Variants in ROBO1 observed in about 807,000 individuals in gnomAD.
ROBO1 encodes roundabout guidance receptor 1.
In ROBO1, 149 loss-of-function variants were observed where a neutral mutation model predicts 195.9. The observed-to-expected ratio is 0.76, with a 90% CI of 0.67 to 0.87. ROBO1 has a LOEUF of 0.87. ROBO1 is among the 40% of genes least tolerant of loss of function. The pLI, the probability that ROBO1 is intolerant of heterozygous loss-of-function variation, is 0.00. For synonymous variants in ROBO1, 816 were observed against 733.2 expected, an observed-to-expected ratio of 1.11 and a Z score of -1.82; for missense variants, 1,933 against 2,068.3, an observed-to-expected ratio of 0.93 and a Z score of 1.27.
At chr3:78,682,984 C>A (rs539935683) in intron 10 of ROBO1, among the ~76,000 whole-genome samples, 38 of 151,888 alleles carry the variant, frequency 2.5e-4, no homozygotes, top group Non-Finnish European at 4.0e-4. Context: ...CATTTTATTT[C>A]TTTTACTTGT....
chr3:78,997,044 A>G (rs2077384397), intron 3 of ROBO1, among the ~76,000 whole-genome samples: 1 of 152,122 alleles, frequency 6.6e-6, no homozygotes, highest in Non-Finnish European at 1.5e-5. Flanking sequence ...GGGGGATGCT[A>G]TCTACTGGTA....
At chr3:79,291,517 C>T (rs1421016911) in intron 2 of ROBO1, among the ~76,000 whole-genome samples, 1 of 152,156 alleles carries the variant, frequency 6.6e-6, no homozygotes, top group Non-Finnish European at 1.5e-5. Flanking sequence ...TTCTTCAACA[C>T]AGTGTTATAA....
intron 4 of ROBO1, among the ~76,000 whole-genome samples, chr3:78,891,713 AAAC>A (rs1295852137): frequency 6.6e-6 from 1 of 152,242 alleles, no homozygotes; most frequent in Non-Finnish European, 1.5e-5. Flanking sequence ...AAGAATGAAT[AAAC>A]AAATTGTGAT....
chr3:79,613,643 C>A (rs1184504992), intron 1 of ROBO1, among the ~76,000 whole-genome samples: 2 of 152,030 alleles, frequency 1.3e-5, no homozygotes, highest in African/African-American at 4.8e-5. Context: ...ATTATAAGAT[C>A]TCTAAAAGAA....
chr3:78,837,370 G>A (rs1036916385), intron 4 of ROBO1, among the ~76,000 whole-genome samples: 1 of 152,032 alleles, frequency 6.6e-6, no homozygotes, highest in South Asian at 2.1e-4. Context: ...AAACAATGGG[G>A]ACTTTTGTTT....
intron 1 of ROBO1, among the ~76,000 whole-genome samples, chr3:79,765,024 T>C (rs555010519): frequency 1.3e-4 from 20 of 152,242 alleles, no homozygotes; most frequent in Non-Finnish European, 2.5e-4. Context: ...ATGGTAACAC[T>C]GGTTCAAGGA....
At chr3:79,304,189 A>C (rs2033116661) in intron 2 of ROBO1, among the ~76,000 whole-genome samples, 1 of 152,210 alleles carries the variant, frequency 6.6e-6, no homozygotes, top group Non-Finnish European at 1.5e-5. Flanking sequence ...GTTTTGGTGT[A>C]ATTTTATTCT....
intron 2 of ROBO1, among the ~76,000 whole-genome samples, chr3:79,126,659 A>T (rs962813914): frequency 6.6e-6 from 1 of 152,194 alleles, no homozygotes; most frequent in Non-Finnish European, 1.5e-5. Context: ...CACCTTTAAC[A>T]TTATCTACAG....
At chr3:79,334,168 G>A (rs1237577718) in intron 2 of ROBO1, among the ~76,000 whole-genome samples, 2 of 151,526 alleles carry the variant, frequency 1.3e-5, no homozygotes, top group African/African-American at 4.9e-5. Context: ...AGCCGGGCGT[G>A]GTGGTGCACC....
At chr3:78,740,413 T>C (rs1402542206) in intron 5 of ROBO1, among the ~76,000 whole-genome samples, 1 of 151,218 alleles carries the variant, frequency 6.6e-6, no homozygotes, top group Non-Finnish European at 1.5e-5. Flanking sequence ...TTTAAAATTT[T>C]TCAGATTAAA....
chr3:78,607,489 A>G (rs1301898428), intron 28 of ROBO1, among the ~76,000 whole-genome samples: 1 of 152,122 alleles, frequency 6.6e-6, no homozygotes, highest in East Asian at 1.9e-4. Context: ...CTAGAACTAC[A>G]GGTGTGAGCC....
rs1408253326 is a variant in ROBO1 at position 79,602,948 on chromosome 3, C to T, written c.-50-12987G>A. ...GATCTTGGCTCAACTCTTTTAATAG[C>T]GATATTAGCCATAAATACATAACTA... On this transcript the variant is annotated intron_variant, in intron 1 of 30. Coordinates refer to ENST00000464233, the MANE Select transcript of ROBO1 (RefSeq NM_002941.4). 4.6e-5 allele frequency among the ~76,000 whole-genome samples: 7 copies of T among 152,008 alleles called. No homozygotes were observed. In the East Asian group the frequency reaches 7.8e-4, roughly 17 times the overall value.
At position 79,244,523 on chromosome 3, in the gene ROBO1, A is replaced by C. The variant is rs1390420508; in HGVS notation, c.89-118984T>G. On this transcript the variant is annotated intron_variant, in intron 2 of 30. Coordinates refer to ENST00000464233, the MANE Select transcript of ROBO1 (RefSeq NM_002941.4). ...ATTGCAAAATTCTCCAGTTGTCTCTAAAGTTATTGTGCTTTGCTTTTGTGA... is the reference window on the plus strand; with the variant it reads ...ATTGCAAAATTCTCCAGTTGTCTCTCAAGTTATTGTGCTTTGCTTTTGTGA... Among the ~76,000 whole-genome samples, 5 of 152,224 alleles carry C rather than the reference A, an allele frequency of 3.3e-5. No homozygotes were observed. In the East Asian group the frequency reaches 9.7e-4, roughly 29 times the overall value.
At chr3:79,279,326 A>G (rs2031319949) in intron 2 of ROBO1, among the ~76,000 whole-genome samples, 1 of 152,108 alleles carries the variant, frequency 6.6e-6, no homozygotes, top group Non-Finnish European at 1.5e-5. Flanking sequence ...CAAAAGACAA[A>G]TGATTTGAAT....
chr3:79,560,535 T>TTTTATATATATATATA (rs1553764936), intron 2 of ROBO1, among the ~76,000 whole-genome samples: 1 of 115,226 alleles, frequency 8.7e-6, no homozygotes, highest in African/African-American at 3.9e-5. Flanking sequence ...ATAATAATAA[T>TTTTATATATATATATA]TATATATATA....
chr3:79,300,722 G>A (rs942617340), intron 2 of ROBO1, among the ~76,000 whole-genome samples: 4 of 152,168 alleles, frequency 2.6e-5, no homozygotes, highest in Admixed American at 6.5e-5. Flanking sequence ...TCTAGCTCAG[G>A]GATTGTAAAT....
chr3:79,335,812 G>A (rs2034641906), intron 2 of ROBO1, among the ~76,000 whole-genome samples: 1 of 152,204 alleles, frequency 6.6e-6, no homozygotes, highest in South Asian at 2.1e-4. Context: ...CTTGGAAGAA[G>A]ACAGGAAGAT....
chr3:79,079,276 C>A (rs1411452522), intron 3 of ROBO1, among the ~76,000 whole-genome samples: 1 of 151,578 alleles, frequency 6.6e-6, no homozygotes, highest in Non-Finnish European at 1.5e-5. Context: ...AATTCTCAGA[C>A]CTAAATTCTA....
intron 2 of ROBO1, among the ~76,000 whole-genome samples, chr3:79,563,333 G>T (rs768871602): frequency 2.6e-5 from 4 of 151,948 alleles, no homozygotes; most frequent in African/African-American, 4.8e-5. Flanking sequence ...CAAATGATAA[G>T]ATGTAATCAG....
Sources: gnomAD v4.1 joint callset for allele counts (sites outside exome capture counted in the v4.1 genomes callset) on GRCh38, gnomAD v4.1.1 for gene constraint, MANE v1.5 for transcripts, NCBI Gene and HGNC (gene_info 2026-07-23, HGNC 2026-07-21) for gene names.